The following MCTP1 variants were observed in gnomAD, a reference collection of about 807,000 sequenced individuals.
The protein encoded by MCTP1 is multiple C2 and transmembrane domain-containing protein 1.
MCTP1 carries 69 observed loss-of-function variants against 120.6 expected under a neutral mutation model. The observed-to-expected ratio is 0.57, with a 90% CI of 0.47 to 0.70. MCTP1 has a LOEUF of 0.70. Among genes scored for constraint, MCTP1 ranks in the 30% least tolerant of loss-of-function variants. The pLI is 0.00. For synonymous variants in MCTP1, 529 were observed against 493.1 expected (o/e 1.07, Z -0.96); for missense variants, 1,203 against 1,248.8 (o/e 0.96, Z 0.55).
At chr5:95,045,201 T>C (rs1842964221) in intron 1 of MCTP1, among the ~76,000 whole-genome samples, 1 of 152,226 alleles carries the variant, frequency 6.6e-6, no homozygotes, top group Non-Finnish European at 1.5e-5. Flanking sequence ...TTGGCAGGAC[T>C]AGCTCCTTCT....
At chr5:94,870,634 C>A in intron 15 of MCTP1, 143 bp from the exon 16 acceptor site, 1 of 693,946 alleles carries the variant, frequency 1.4e-6, no homozygotes, top group African/African-American at 1.8e-5. Context: ...TACAGTTGCA[C>A]ATGCATGCGC....
intron 1 of MCTP1, among the ~76,000 whole-genome samples, chr5:95,174,733 A>G (rs1308465088): frequency 3.9e-5 from 6 of 152,202 alleles, no homozygotes; most frequent in Non-Finnish European, 8.8e-5. Context: ...TTTCATGAGT[A>G]GTCCTGAGAA....
chr5:95,221,781 T>C (rs1301457441), intron 1 of MCTP1, among the ~76,000 whole-genome samples: 2 of 152,184 alleles, frequency 1.3e-5, no homozygotes, highest in Non-Finnish European at 2.9e-5. Flanking sequence ...GTTTTCTCTT[T>C]TTTCAGGAGC....
chr5:95,222,837 A>G (rs973258979), intron 1 of MCTP1, among the ~76,000 whole-genome samples: 7 of 152,250 alleles, frequency 4.6e-5, no homozygotes, highest in Admixed American at 1.3e-4. Context: ...TAATATACAT[A>G]GACTGTGCTT....
At chr5:95,091,236 C>G (rs1203606433) in intron 1 of MCTP1, among the ~76,000 whole-genome samples, 1 of 152,170 alleles carries the variant, frequency 6.6e-6, no homozygotes, top group Non-Finnish European at 1.5e-5. Flanking sequence ...CGAGGCTTTC[C>G]CCTTCAATGC....
At position 94,705,978 on chromosome 5, in the gene MCTP1, CTATTA is replaced by C. The variant is rs952112834; in HGVS notation, c.*1513_*1517del. On this transcript the variant is annotated 3_prime_UTR_variant, in exon 23 of 23. Coordinates refer to ENST00000515393, the MANE Select transcript of MCTP1 (RefSeq NM_024717.7). ...AGTATATAAACAGATCAAAATAGTT[CTATTA>C]TAAGAAATAGTATTTAACAACTTAT... The C allele has an allele frequency of 4.0e-5, 6 of 151,394 alleles. No homozygotes were observed. The highest frequency in any genetic ancestry group is 1.2e-4 in the African/African-American group (5 of 41,284). 9.4% of individuals were successfully genotyped at this position (151,394 alleles called of 1,614,324 possible).
At chr5:95,162,453 T>C (rs1025960295) in intron 1 of MCTP1, among the ~76,000 whole-genome samples, 1 of 152,194 alleles carries the variant, frequency 6.6e-6, no homozygotes, top group African/African-American at 2.4e-5. Context: ...GTCATGTAAC[T>C]TCCTCTTTTA....
intron 1 of MCTP1, among the ~76,000 whole-genome samples, chr5:95,100,265 A>G: frequency 6.6e-6 from 1 of 151,864 alleles, no homozygotes; most frequent in Non-Finnish European, 1.5e-5. Flanking sequence ...CTAAAACTTA[A>G]AGTATAATAA....
Position 94,808,101 on chromosome 5 carries a change from C to T in MCTP1, c.2437-8969G>A, listed in dbSNP as rs180691659. On this transcript the variant is annotated intron_variant, in intron 17 of 22. Coordinates refer to ENST00000515393, the MANE Select transcript of MCTP1 (RefSeq NM_024717.7). The stretch of plus-strand genomic sequence containing the variant: ...CCCCTTATGCCCATTTACACTCACT[C>T]AAATTAAGTCAGGCTCCACCACATC... 2.6e-5 allele frequency among the ~76,000 whole-genome samples: 4 copies of T among 152,188 alleles called. No individual in the cohort carries two copies. The East Asian group carries it at 7.7e-4, about 29-fold the overall frequency.
Position 95,017,430 on chromosome 5 carries a change from C to T in MCTP1, c.775G>A (p.Gly259Arg), listed in dbSNP as rs749205654. Residue 259 changes from glycine (G) to arginine (R), a missense_variant, in exon 2 of 23, where the codon GGA (glycine) becomes AGA (arginine). Physicochemically the swap from Gly to Arg is moderately radical, Grantham distance 125. Transcript: ENST00000515393. ...SNAEVPLADP[G>R]MYQLDITLRR... ...AATGTAATGTCCAGCTGGTACATTC[C>T]GGGATCAGCCAAGGGGACTTCTGCA... 4.8e-5 allele frequency: 78 copies of T among 1,610,560 alleles called. No individual in the cohort carries two copies. In the Middle Eastern group the frequency reaches 8.2e-4, roughly 17 times the overall value.
At chr5:95,006,034 A>G (rs1834672653) in intron 2 of MCTP1, among the ~76,000 whole-genome samples, 1 of 152,082 alleles carries the variant, frequency 6.6e-6, no homozygotes, top group South Asian at 2.1e-4. Flanking sequence ...TAACATGCAC[A>G]TCTTTGGGAT....
At position 94,870,496 on chromosome 5, in the gene MCTP1, A is replaced by G; in HGVS notation, c.2242-5T>C. On this transcript the variant is annotated splice_region_variant and splice_polypyrimidine_tract_variant and intron_variant, in intron 15 of 22. Transcript: ENST00000515393. ...TGTTCGTAAGCTGGCTTTCACCTAT[A>G]CATCAACATATGTGTCTGTTATGGA... The G allele has an allele frequency of 6.3e-7, 1 of 1,579,926 alleles. No individual in the cohort carries two copies. The highest frequency in any genetic ancestry group is 8.7e-7 in the Non-Finnish European group (1 of 1,148,796).
Position 94,870,981 on chromosome 5 carries a change from A to C in MCTP1, c.2140-8T>G. 6.8e-6 allele frequency: 11 copies of C among 1,608,930 alleles called. No homozygotes were observed. Among genetic ancestry groups the C allele is most frequent in the Non-Finnish European group, 9.4e-6 (11 of 1,175,808 alleles). ...CTGTTCACCATTTTGAATCTGCGGG[A>C]AAAGGACATGACAGCCGTCTGTCTC... On this transcript the variant is annotated splice_polypyrimidine_tract_variant and splice_region_variant and intron_variant, in intron 14 of 22. Coordinates refer to ENST00000515393, the MANE Select transcript of MCTP1 (RefSeq NM_024717.7).
intron 2 of MCTP1, among the ~76,000 whole-genome samples, chr5:94,955,166 C>A (rs533579298): frequency 6.6e-6 from 1 of 152,150 alleles, no homozygotes; most frequent in Non-Finnish European, 1.5e-5. Context: ...TGCAAGGGTT[C>A]GGGGAACTCC....
chr5:95,172,197 C>T (rs998440942), intron 1 of MCTP1, among the ~76,000 whole-genome samples: 1 of 152,134 alleles, frequency 6.6e-6, no homozygotes, highest in Non-Finnish European at 1.5e-5. Flanking sequence ...GCCTACGTAT[C>T]AGCAGTGGAG....
chr5:95,069,636 C>A (rs1751591689), intron 1 of MCTP1, among the ~76,000 whole-genome samples: 1 of 151,996 alleles, frequency 6.6e-6, no homozygotes, highest in Non-Finnish European at 1.5e-5. Flanking sequence ...AGCTCCTTGT[C>A]CTTAGGCTCA....
chr5:95,024,234 C>T (rs1038383666), intron 1 of MCTP1: 1 of 268,854 alleles, frequency 3.7e-6, no homozygotes, highest in African/African-American at 2.3e-5. Flanking sequence ...AATTTCAGGT[C>T]TTATGCTTAA....
intron 1 of MCTP1, among the ~76,000 whole-genome samples, chr5:95,039,998 A>G (rs1842058859): frequency 6.6e-6 from 1 of 152,154 alleles, no homozygotes; most frequent in African/African-American, 2.4e-5. Context: ...TAACAGCATT[A>G]AACTGCTACT....
At chr5:94,975,977 C>T (rs1828003980) in intron 2 of MCTP1, among the ~76,000 whole-genome samples, 1 of 152,120 alleles carries the variant, frequency 6.6e-6, no homozygotes, top group Non-Finnish European at 1.5e-5. Flanking sequence ...ACTGAAAACA[C>T]ATGTATAACT....
Sources: gnomAD v4.1 joint callset for allele counts (sites outside exome capture counted in the v4.1 genomes callset) on GRCh38, gnomAD v4.1.1 for gene constraint, MANE v1.5 for transcripts, NCBI Gene and HGNC (gene_info 2026-07-23, HGNC 2026-07-21) for gene names.